Variants in GAB1 observed in about 807,000 individuals in gnomAD.
GAB1 encodes the protein GRB2 associated binding protein 1, also known as GRB2-associated-binding protein 1.
In GAB1, 19 loss-of-function variants were observed where a neutral mutation model predicts 66.5. The observed-to-expected ratio is 0.29, with a 90% CI of 0.20 to 0.42. The LOEUF (loss-of-function observed/expected upper bound fraction) is 0.42, where lower values mean the gene tolerates loss of function less well. Among genes scored for constraint, GAB1 ranks in the 10% least tolerant of loss-of-function variants. GAB1 has a pLI of 1.00. For missense variants in GAB1, 732 were observed against 858.5 expected (o/e 0.85, Z 1.84); for synonymous variants, 294 against 301.4 (o/e 0.98, Z 0.25).
intron 1 of GAB1, among the ~76,000 whole-genome samples, chr4:143,338,420 T>G (rs1235796664): frequency 6.6e-6 from 1 of 152,246 alleles, no homozygotes; most frequent in Non-Finnish European, 1.5e-5. Context: ...TGTTAGTCAC[T>G]GTTTGCTTGT....
chr4:143,417,890 C>T (rs1016708732), intron 2 of GAB1, among the ~76,000 whole-genome samples: 2 of 152,218 alleles, frequency 1.3e-5, no homozygotes, highest in African/African-American at 2.4e-5. Context: ...CATTTAGAAG[C>T]GTGCATTTCC....
At chr4:143,466,539 G>A (rs1334443437) in intron 9 of GAB1, among the ~76,000 whole-genome samples, 4 of 141,982 alleles carry the variant, frequency 2.8e-5, no homozygotes, top group Admixed American at 1.4e-4. Context: ...GCCCAGGCTG[G>A]AGTGCAGTAG....
chr4:143,418,485 A>C (rs1038007108), intron 2 of GAB1, among the ~76,000 whole-genome samples: 1 of 152,228 alleles, frequency 6.6e-6, no homozygotes, highest in South Asian at 2.1e-4. Flanking sequence ...TTTAGACAGC[A>C]CATTAGTTTT....
chr4:143,384,539 G>A (rs914433694), intron 1 of GAB1, among the ~76,000 whole-genome samples: 3 of 152,198 alleles, frequency 2.0e-5, no homozygotes, highest in Non-Finnish European at 4.4e-5. Flanking sequence ...TCAGGGAAAT[G>A]GAGCCAGATG....
At chr4:143,445,423 A>AT (rs1734456502) in intron 6 of GAB1, among the ~76,000 whole-genome samples, 1 of 151,836 alleles carries the variant, frequency 6.6e-6, no homozygotes, top group African/African-American at 2.4e-5. Flanking sequence ...TCTTTTACCC[A>AT]TTTTTTAATG....
At chr4:143,358,816 C>T (rs1009355021) in intron 1 of GAB1, among the ~76,000 whole-genome samples, 4 of 152,180 alleles carry the variant, frequency 2.6e-5, no homozygotes, top group African/African-American at 9.6e-5. Flanking sequence ...ATTTTGGTGA[C>T]TTACTAATTG....
chr4:143,463,947 T>G (rs572753957), intron 8 of GAB1, among the ~76,000 whole-genome samples: 1 of 152,328 alleles, frequency 6.6e-6, no homozygotes, highest in Admixed American at 6.5e-5. Flanking sequence ...TCTTACAAAT[T>G]TATGCATTTC....
chr4:143,468,934 A>AT, intron 9 of GAB1, 97 bp from the exon 10 acceptor site: 2 of 1,280,256 alleles, frequency 1.6e-6, no homozygotes, highest in East Asian at 2.4e-5. Flanking sequence ...AAAAAAAAAA[A>AT]GTATTCACAG....
chr4:143,382,955 G>A (rs3805246), intron 1 of GAB1, among the ~76,000 whole-genome samples: 48,134 of 151,952 alleles, frequency 0.32, 7,888 homozygotes, highest in South Asian at 0.48. Context: ...CTGATTTCTA[G>A]TTGACTTTGG....
chr4:143,443,461 C>T (rs1734347989), intron 6 of GAB1, among the ~76,000 whole-genome samples: 1 of 152,098 alleles, frequency 6.6e-6, no homozygotes, highest in South Asian at 2.1e-4. Context: ...TCAAGAAAAA[C>T]ACATTTTAAA....
At chr4:143,367,667 G>A (rs1416250654) in intron 1 of GAB1, among the ~76,000 whole-genome samples, 1 of 146,548 alleles carries the variant, frequency 6.8e-6, no homozygotes, top group Non-Finnish European at 1.5e-5. Context: ...GTTTTTTGAT[G>A]CCCTATTTGG....
chr4:143,356,089 G>A (rs1729435282), intron 1 of GAB1, among the ~76,000 whole-genome samples: 1 of 152,088 alleles, frequency 6.6e-6, no homozygotes, highest in Non-Finnish European at 1.5e-5. Flanking sequence ...GCCGGGGGGA[G>A]ACTGGGAGAA....
At chr4:143,421,698 C>CTTTTTTTTTTTTTTTTTTTTTTT (rs70953733) in intron 2 of GAB1, among the ~76,000 whole-genome samples, 31 of 118,676 alleles carry the variant, frequency 2.6e-4, no homozygotes, top group South Asian at 1.2e-3. Flanking sequence ...CTTTTCTTTT[C>CTTTTTTTTTTTTTTTTTTTTTTT]TTTTTTTTTT....
chr4:143,396,548 C>T (rs556450325), intron 1 of GAB1, among the ~76,000 whole-genome samples: 3 of 152,052 alleles, frequency 2.0e-5, no homozygotes, highest in Non-Finnish European at 4.4e-5. Flanking sequence ...ATATGTGGTG[C>T]CACTATATTG....
intron 1 of GAB1, among the ~76,000 whole-genome samples, chr4:143,352,462 T>A (rs1729268482): frequency 1.3e-5 from 2 of 152,228 alleles, no homozygotes; most frequent in South Asian, 4.1e-4. Context: ...TCTTTTCAGA[T>A]GATCTTAAGA....
intron 1 of GAB1, among the ~76,000 whole-genome samples, chr4:143,376,293 G>T (rs760449757): frequency 6.6e-6 from 1 of 152,146 alleles, no homozygotes; most frequent in Non-Finnish European, 1.5e-5. Flanking sequence ...CTACTTTCAG[G>T]TTACTCAAAA....
At chr4:143,429,771 C>G (rs1733552737) in intron 2 of GAB1, among the ~76,000 whole-genome samples, 1 of 152,134 alleles carries the variant, frequency 6.6e-6, no homozygotes, top group Non-Finnish European at 1.5e-5. Flanking sequence ...CATCCTGTTG[C>G]AAAAGAAAAT....
intron 2 of GAB1, among the ~76,000 whole-genome samples, chr4:143,427,113 C>T (rs1283623413): frequency 6.6e-6 from 1 of 152,142 alleles, no homozygotes; most frequent in Non-Finnish European, 1.5e-5. Context: ...AGGGGGTCCT[C>T]CTAATAGGCT....
chr4:143,349,650 G>A, intron 1 of GAB1: 11 of 1,477,892 alleles, frequency 7.4e-6, no homozygotes, highest in Non-Finnish European at 1.0e-5. Flanking sequence ...TGTTCCCCCA[G>A]TAGCCTCTGT....
Sources: allele counts gnomAD v4.1 joint callset (sites outside exome capture counted in the v4.1 genomes callset), GRCh38; gene constraint gnomAD v4.1.1; transcripts MANE v1.5; gene names NCBI Gene and HGNC (gene_info 2026-07-23, HGNC 2026-07-21).